USP34: variants seen among roughly 807,000 people sequenced by gnomAD.
USP34 encodes the protein ubiquitin carboxyl-terminal hydrolase 34.
A neutral mutation model predicts 460.3 loss-of-function variants in USP34; 70 were observed. That is an observed-to-expected ratio of 0.15 (90% CI 0.13 to 0.19). The LOEUF is 0.19. USP34 is among the 10% of genes least tolerant of loss of function. The pLI is 1.00. For missense variants in USP34, 3,985 were observed against 4,236.2 expected (o/e 0.94, Z 1.65); for synonymous variants, 1,647 against 1,405.3 (o/e 1.17, Z -3.85).
At chr2:61,255,286 G>C (rs1688694523) in intron 48 of USP34, among the ~76,000 whole-genome samples, 1 of 152,146 alleles carries the variant, frequency 6.6e-6, no homozygotes, top group Admixed American at 6.5e-5. Context: ...ATGTATTATA[G>C]TATAAACACT....
At chr2:61,382,797 C>A (rs1452384234) in intron 6 of USP34, among the ~76,000 whole-genome samples, 1 of 152,138 alleles carries the variant, frequency 6.6e-6, no homozygotes, top group Non-Finnish European at 1.5e-5. Flanking sequence ...CCTTTCCTGT[C>A]CCCATAAACT....
intron 27 of USP34, 126 bp downstream of exon 27, chr2:61,311,414 A>G (rs1242344907): frequency 9.9e-7 from 1 of 1,014,640 alleles, no homozygotes; most frequent in Non-Finnish European, 1.4e-6. Flanking sequence ...GACAGTTGCT[A>G]TATGATATAA....
chr2:61,258,690 C>T (rs1241296529), intron 44 of USP34, among the ~76,000 whole-genome samples: 2 of 152,120 alleles, frequency 1.3e-5, no homozygotes, highest in Admixed American at 1.3e-4. Context: ...AGCTCGAATA[C>T]CATTCTGTTC....
chr2:61,451,238 A>AAAAAAAAAAAAAAAAAC (rs1695266613), intron 1 of USP34, among the ~76,000 whole-genome samples: 1 of 150,604 alleles, frequency 6.6e-6, no homozygotes. Flanking sequence ...AAAAAAAAAA[A>AAAAAAAAAAAAAAAAAC]AAAAAAAGAA....
chr2:61,399,579 C>A (rs368188598), intron 3 of USP34, among the ~76,000 whole-genome samples: 30 of 151,826 alleles, frequency 2.0e-4, no homozygotes, highest in South Asian at 6.3e-4. Flanking sequence ...CATTAAAAGA[C>A]GAATTAACGG....
intron 46 of USP34, 48 bp downstream of exon 46, chr2:61,257,004 A>T (rs1280696145): frequency 7.0e-7 from 1 of 1,421,706 alleles, no homozygotes; most frequent in East Asian, 2.6e-5. Flanking sequence ...AATATAAATG[A>T]AAATATATTA....
intron 2 of USP34, among the ~76,000 whole-genome samples, chr2:61,408,408 T>C (rs1029820591): frequency 4.6e-5 from 7 of 152,072 alleles, no homozygotes. Flanking sequence ...ATTATAAATA[T>C]ATATAAATAA....
chr2:61,246,586 A>G (rs1388746376), intron 49 of USP34, 109 bp from the exon 50 acceptor site: 1 of 774,650 alleles, frequency 1.3e-6, no homozygotes, highest in Non-Finnish European at 1.8e-6. Flanking sequence ...AGTCATTTTA[A>G]TAAAATAAAA....
intron 1 of USP34, among the ~76,000 whole-genome samples, chr2:61,456,224 T>C (rs1218227709): frequency 6.6e-6 from 1 of 152,224 alleles, no homozygotes; most frequent in Non-Finnish European, 1.5e-5. Flanking sequence ...TTTCACCTCT[T>C]TCATGGTAAC....
At position 61,319,151 on chromosome 2, in the gene USP34, AAACT is replaced by A. The variant is rs1237620149; in HGVS notation, c.3168+18_3168+21del. ...AAAGGGAACATGGAAAAATAATAAC[AAACT>A]GAGAGAAATGTAATTACCTTCTCCA... is the stretch of plus-strand genomic sequence containing the variant. On this transcript the variant is annotated intron_variant, in intron 22 of 79. Transcript: ENST00000398571. 1 of 1,532,598 alleles carries A rather than the reference AAACT, an allele frequency of 6.5e-7. No individual in the cohort carries two copies. Among genetic ancestry groups the A allele is most frequent in the African/African-American group, 1.4e-5 (1 of 70,262 alleles). 94.9% of individuals were successfully genotyped at this position (1,532,598 alleles called of 1,614,324 possible). A position where few individuals can be genotyped will look rare whatever the true frequency, so the allele number is the denominator to read the frequency against.
intron 2 of USP34, 138 bp from the exon 3 acceptor site, chr2:61,406,266 T>A: frequency 1.4e-6 from 1 of 729,530 alleles, no homozygotes; most frequent in Non-Finnish European, 2.1e-6. Context: ...GGGTACACCT[T>A]AATAACATAA....
chr2:61,298,686 C>T (rs1690119340), intron 29 of USP34, among the ~76,000 whole-genome samples: 1 of 150,560 alleles, frequency 6.6e-6, no homozygotes, highest in Admixed American at 6.6e-5. Flanking sequence ...CTGGTTTTCT[C>T]TACTACATCC....
Position 61,256,942 on chromosome 2 carries a change from T to C in USP34, c.6057A>G (p.Glu2019=). The part of the protein sequence containing the change: ...ITNNVVSLDC[E]HVSQTAEEFY... Reference sequence around the variant, plus strand: ...ACTCTTCAGCAGTTTGACTAACATGTTCACAATCCTAATCAATACACATAA... The same window carrying C: ...ACTCTTCAGCAGTTTGACTAACATGCTCACAATCCTAATCAATACACATAA... The change falls in exon 47 of 80, where the codon GAA becomes GAG. Residue 2019 remains glutamate, a synonymous_variant. Coordinates refer to ENST00000398571, the MANE Select transcript of USP34 (RefSeq NM_014709.4). The C allele has an allele frequency of 6.4e-7, 1 of 1,558,238 alleles. No individual in the cohort carries two copies. Among genetic ancestry groups the C allele is most frequent in the Non-Finnish European group, 8.7e-7 (1 of 1,155,228 alleles).
In USP34 at chr2:61,348,488, T is replaced by A; in HGVS notation, c.1675-8A>T. ...ACTTCCCTGCATGGATTCCTGTATT[T>A]TGAAACAAATAGATTTAAATAAATA... On this transcript the variant is annotated splice_polypyrimidine_tract_variant and splice_region_variant and intron_variant, in intron 14 of 79. Coordinates refer to ENST00000398571, the MANE Select transcript of USP34 (RefSeq NM_014709.4). 1 of 1,602,306 alleles carries A rather than the reference T, an allele frequency of 6.2e-7. No individual in the cohort carries two copies. The highest frequency in any genetic ancestry group is 8.5e-7 in the Non-Finnish European group (1 of 1,174,686).
chr2:61,427,478 C>T (rs903638225), intron 1 of USP34, among the ~76,000 whole-genome samples: 1 of 152,128 alleles, frequency 6.6e-6, no homozygotes, highest in Admixed American at 6.6e-5. Context: ...ATGACCTCAC[C>T]AAATGAACTA....
chr2:61,453,979 G>C (rs1203066460), intron 1 of USP34, among the ~76,000 whole-genome samples: 1 of 151,714 alleles, frequency 6.6e-6, no homozygotes, highest in African/African-American at 2.4e-5. Flanking sequence ...ATAAGAAAAT[G>C]CTCATAAAAA....
chr2:61,244,214 T>C (rs1222850048), intron 51 of USP34, among the ~76,000 whole-genome samples: 1 of 152,200 alleles, frequency 6.6e-6, no homozygotes, highest in African/African-American at 2.4e-5. Context: ...ATTTGTCTTG[T>C]GAGAATCAAG....
chr2:61,218,291 A>AT, intron 67 of USP34, among the ~76,000 whole-genome samples: 1 of 137,046 alleles, frequency 7.3e-6, no homozygotes, highest in Non-Finnish European at 1.5e-5. Flanking sequence ...AGATCCTATT[A>AT]TGGTGGGGTT....
chr2:61,214,596 G>A lies in USP34; in HGVS notation c.8146C>T (p.Leu2716Phe). 1 of 1,614,144 alleles carries A rather than the reference G, an allele frequency of 6.2e-7. No individual in the cohort carries two copies. The highest frequency in any genetic ancestry group is 8.5e-7 in the Non-Finnish European group (1 of 1,179,996). ...AGGACTACTGTTGTGTCTGGACTGA[G>A]TGGAAGGTCACGGGTTGGGATGTGC... ...SLHIPTRDLP[L>F]SPDTTVVLHQ... The change falls in exon 68 of 80, where the codon CTC becomes TTC. Residue 2716 changes from leucine (L) to phenylalanine (F), a missense_variant. Coordinates refer to ENST00000398571, the MANE Select transcript of USP34 (RefSeq NM_014709.4).
Sources: gnomAD v4.1 joint callset for allele counts (sites outside exome capture counted in the v4.1 genomes callset) on GRCh38, gnomAD v4.1.1 for gene constraint, MANE v1.5 for transcripts, NCBI Gene and HGNC (gene_info 2026-07-23, HGNC 2026-07-21) for gene names.